The following GLMN variants were observed in gnomAD, a reference collection of about 807,000 sequenced individuals.
GLMN encodes the protein glomulin, FKBP associated protein, also known as glomulin.
Under a neutral mutation model 87.8 loss-of-function variants are expected in GLMN, and 75 were observed. The ratio of observed to expected loss-of-function variants is 0.85; its 90% CI spans 0.71 to 1.04. GLMN has a LOEUF of 1.04. GLMN is among the 50% of genes least tolerant of loss of function. GLMN has a pLI of 0.00. For missense variants in GLMN, 588 were observed against 658.8 expected, an observed-to-expected ratio of 0.89 and a Z score of 1.18; for synonymous variants, 206 against 221.6, an observed-to-expected ratio of 0.93 and a Z score of 0.63.
At chr1:92,338,028 A>G in the GLMN span, among the ~76,000 whole-genome samples, 1 of 152,220 alleles carries the variant, frequency 6.6e-6, no homozygotes, top group Admixed American at 6.5e-5. Context: ...GTTTTCCTAA[A>G]TAATTGAAAG....
chr1:92,271,735 A>C, intron 7 of GLMN, 83 bp from the exon 8 acceptor site: 16 of 923,996 alleles, frequency 1.7e-5, no homozygotes, highest in Non-Finnish European at 2.7e-5. Flanking sequence ...CCACATTCTC[A>C]CCAAGGGGAG....
At chr1:92,269,067 C>A (rs112043420) in intron 9 of GLMN, among the ~76,000 whole-genome samples, 2 of 152,026 alleles carry the variant, frequency 1.3e-5, no homozygotes, top group African/African-American at 4.8e-5. Flanking sequence ...AACGGGCAGG[C>A]GCCACCACTC....
intron 7 of GLMN, among the ~76,000 whole-genome samples, chr1:92,280,834 T>C (rs954746848): frequency 1.6e-4 from 24 of 152,204 alleles, no homozygotes; most frequent in Middle Eastern, 3.4e-3. Flanking sequence ...CAAGCTTCAA[T>C]AGCCGATTTG....
chr1:92,255,399 C>G (rs1160977195), intron 16 of GLMN, among the ~76,000 whole-genome samples: 3 of 152,112 alleles, frequency 2.0e-5, no homozygotes, highest in Non-Finnish European at 4.4e-5. Flanking sequence ...AGCTCTGGAC[C>G]AAGCAGACCT....
At chr1:92,368,003 C>T in the GLMN span, among the ~76,000 whole-genome samples, 10 of 152,282 alleles carry the variant, frequency 6.6e-5, no homozygotes, top group Middle Eastern at 3.4e-3. Flanking sequence ...GATCTTCACA[C>T]GTATCACCTA....
intron 4 of GLMN, among the ~76,000 whole-genome samples, chr1:92,290,605 G>T (rs986378811): frequency 6.6e-6 from 1 of 152,206 alleles, no homozygotes; most frequent in Non-Finnish European, 1.5e-5. Flanking sequence ...GCTCCAGCAG[G>T]TGGGACCTTT....
At position 92,298,970 on chromosome 1, in the gene GLMN, G is replaced by A. The variant is rs1650539228; in HGVS notation, c.-76C>T. On this transcript the variant is annotated 5_prime_UTR_variant, in exon 1 of 19. The change creates a new upstream start codon in the 5' untranslated region. Transcript: ENST00000370360. Reference sequence around the variant, plus strand: ...CCCAGCCGCCGCCACCTCCTCCGGCGTCTTAGCCCGCTCTTCTGGCCCCGC... The same window carrying A: ...CCCAGCCGCCGCCACCTCCTCCGGCATCTTAGCCCGCTCTTCTGGCCCCGC... The A allele has an allele frequency of 1.9e-6, 1 of 532,356 alleles. No individual in the cohort carries two copies. The highest frequency in any genetic ancestry group is 3.3e-6 in the Non-Finnish European group (1 of 303,798). The allele number at this position is 532,356 out of a possible 1,614,324, so 33.0% of individuals were successfully genotyped here.
the GLMN span, among the ~76,000 whole-genome samples, chr1:92,351,532 T>C: frequency 6.6e-6 from 1 of 152,116 alleles, no homozygotes; most frequent in African/African-American, 2.4e-5. Context: ...TTTCTAGCCA[T>C]AGGACACATC....
chr1:92,323,873 A>T, the GLMN span: 2 of 1,613,984 alleles, frequency 1.2e-6, no homozygotes, highest in East Asian at 4.5e-5. Flanking sequence ...TCTGAAAGTG[A>T]ATACAGTAGG....
chr1:92,333,716 A>C, the GLMN span, among the ~76,000 whole-genome samples: 10 of 152,170 alleles, frequency 6.6e-5, no homozygotes, highest in African/African-American at 2.4e-4. Context: ...GTGGGTTTAG[A>C]AGACCAAACT....
At chr1:92,297,633 G>T in intron 2 of GLMN, 104 bp from the exon 3 acceptor site, 1 of 1,013,440 alleles carries the variant, frequency 9.9e-7, no homozygotes. Context: ...AAGGAAATCT[G>T]TTTAAATTCT....
chr1:92,368,141 A>G, the GLMN span, among the ~76,000 whole-genome samples: 1 of 152,120 alleles, frequency 6.6e-6, no homozygotes. Context: ...ATCCAAGTTC[A>G]TGGCTGGCCA....
the GLMN span, among the ~76,000 whole-genome samples, chr1:92,365,356 C>CGT: frequency 6.6e-6 from 1 of 151,898 alleles, no homozygotes; most frequent in Admixed American, 6.6e-5. Flanking sequence ...CAGTTGTTTT[C>CGT]AATACTGGCT....
chr1:92,304,313 C>A, the GLMN span: 1 of 1,513,386 alleles, frequency 6.6e-7, no homozygotes, highest in South Asian at 1.2e-5. Context: ...AAATTTCTAC[C>A]AAAACCAATA....
At chr1:92,306,407 TA>T in the GLMN span, among the ~76,000 whole-genome samples, 16 of 152,134 alleles carry the variant, frequency 1.1e-4, 1 homozygote, top group South Asian at 3.1e-3. Context: ...TTTTTAATTG[TA>T]AAAAAAAGTT....
chr1:92,259,815 A>C (rs1012628846), intron 16 of GLMN, among the ~76,000 whole-genome samples: 4 of 146,476 alleles, frequency 2.7e-5, no homozygotes, highest in Non-Finnish European at 6.0e-5. Context: ...GCTCACTGCA[A>C]GCTCCGCCTC....
At chr1:92,273,219 A>T (rs1359874000) in intron 7 of GLMN, among the ~76,000 whole-genome samples, 5 of 152,202 alleles carry the variant, frequency 3.3e-5, no homozygotes, top group African/African-American at 4.8e-5. Context: ...TTCAGAATAC[A>T]AAAAGGAACC....
At chr1:92,322,881 A>G in the GLMN span, among the ~76,000 whole-genome samples, 7 of 148,258 alleles carry the variant, frequency 4.7e-5, no homozygotes, top group East Asian at 5.8e-4. Context: ...TTAAAAATAT[A>G]TATTTATTTT....
chr1:92,269,004 G>C (rs567272246), intron 9 of GLMN, among the ~76,000 whole-genome samples: 1 of 149,664 alleles, frequency 6.7e-6, no homozygotes, highest in East Asian at 2.0e-4. Context: ...CTGCAGCCCA[G>C]ACCTCCCAGG....
Sources: gnomAD v4.1 joint callset for allele counts (sites outside exome capture counted in the v4.1 genomes callset) on GRCh38, gnomAD v4.1.1 for gene constraint, MANE v1.5 for transcripts, NCBI Gene and HGNC (gene_info 2026-07-23, HGNC 2026-07-21) for gene names.